Variants in FRK observed in about 807,000 individuals in gnomAD.
FRK encodes the protein tyrosine-protein kinase FRK.
FRK carries 51 observed loss-of-function variants against 56.4 expected under a neutral mutation model. The ratio of observed to expected loss-of-function variants is 0.90; its 90% CI spans 0.72 to 1.14. The LOEUF (loss-of-function observed/expected upper bound fraction) is 1.14. FRK is among the 50% of genes most tolerant of loss of function. The probability of loss-of-function intolerance (pLI) is 0.00; values close to 1 mark genes in which losing one functional copy is unlikely to be tolerated. For synonymous variants in FRK, 245 were observed against 217.9 expected, an observed-to-expected ratio of 1.12 and a Z score of -1.10; for missense variants, 570 against 601.4, an observed-to-expected ratio of 0.95 and a Z score of 0.55.
intron 1 of FRK, among the ~76,000 whole-genome samples, chr6:116,023,457 C>T (rs1000027326): frequency 6.6e-6 from 1 of 152,114 alleles, no homozygotes; most frequent in African/African-American, 2.4e-5. Flanking sequence ...AATCAAAAAT[C>T]AGCAAACTAA....
Position 115,988,636 on chromosome 6 carries a change from C to T in FRK, c.466+15241G>A, listed in dbSNP as rs1361943124. Among the ~76,000 whole-genome samples, 4 of 152,014 alleles carry T rather than the reference C, an allele frequency of 2.6e-5. No individual in the cohort carries two copies. In the East Asian group the frequency reaches 7.7e-4, roughly 29 times the overall value. On this transcript the variant is annotated intron_variant, in intron 2 of 7. Transcript: ENST00000606080. The stretch of plus-strand genomic sequence containing the variant: ...GAGCACATGTTTGAGTGAAAGCCCT[C>T]CAGTGGCCCACAGATGTAAATTAAG...
At chr6:116,075,352 G>A in the FRK span, among the ~76,000 whole-genome samples, 1 of 151,332 alleles carries the variant, frequency 6.6e-6, no homozygotes, top group African/African-American at 2.4e-5. Context: ...GATTATATGA[G>A]TTAATAGGTA....
the FRK span, among the ~76,000 whole-genome samples, chr6:116,069,667 A>C: frequency 6.6e-6 from 1 of 152,152 alleles, no homozygotes; most frequent in Admixed American, 6.6e-5. Context: ...TCGTAGATCA[A>C]ACAAAAAAGG....
intron 5 of FRK, among the ~76,000 whole-genome samples, chr6:115,946,982 G>T (rs1772481015): frequency 6.6e-6 from 1 of 152,032 alleles, no homozygotes; most frequent in Non-Finnish European, 1.5e-5. Flanking sequence ...GAGGGCATGG[G>T]GACAGAAGGA....
intron 1 of FRK, among the ~76,000 whole-genome samples, chr6:116,035,985 G>A (rs1024448930): frequency 1.3e-5 from 2 of 151,682 alleles, no homozygotes; most frequent in South Asian, 2.1e-4. Flanking sequence ...CTCTTCATCT[G>A]GCTCTCTTTC....
At chr6:116,058,855 G>A (rs1777500314) in intron 1 of FRK, among the ~76,000 whole-genome samples, 1 of 149,004 alleles carries the variant, frequency 6.7e-6, no homozygotes, top group Non-Finnish European at 1.5e-5. Flanking sequence ...AGCTTGCAGT[G>A]AGCCGAGATC....
intron 5 of FRK, among the ~76,000 whole-genome samples, chr6:115,952,486 A>G (rs1582639212): frequency 6.6e-6 from 1 of 152,156 alleles, no homozygotes; most frequent in Non-Finnish European, 1.5e-5. Context: ...ACTGTAAACT[A>G]GTTCAACCAT....
At chr6:116,085,912 G>C in the FRK span, among the ~76,000 whole-genome samples, 2 of 152,168 alleles carry the variant, frequency 1.3e-5, no homozygotes, top group East Asian at 3.8e-4. Flanking sequence ...GAAGAGAATA[G>C]TAGTAACAAT....
At chr6:115,985,212 C>T (rs1252945834) in intron 2 of FRK, among the ~76,000 whole-genome samples, 2 of 152,102 alleles carry the variant, frequency 1.3e-5, no homozygotes, top group Non-Finnish European at 2.9e-5. Context: ...TCAGGGTGAG[C>T]GTTCCATGCA....
the FRK span, among the ~76,000 whole-genome samples, chr6:116,089,350 GAA>G: frequency 3.9e-5 from 6 of 152,218 alleles, no homozygotes; most frequent in African/African-American, 1.4e-4. Flanking sequence ...TTCTAGAGCA[GAA>G]AAGAGAGACA....
intron 4 of FRK, among the ~76,000 whole-genome samples, chr6:115,960,515 C>G (rs1226019711): frequency 2.1e-5 from 3 of 146,148 alleles, no homozygotes; most frequent in Non-Finnish European, 3.0e-5. Flanking sequence ...CAAAGCAGCC[C>G]GGAAGCTCGA....
the FRK span, among the ~76,000 whole-genome samples, chr6:116,098,731 T>C: frequency 6.6e-6 from 1 of 152,226 alleles, no homozygotes; most frequent in Non-Finnish European, 1.5e-5. Flanking sequence ...GTAAGTGTGA[T>C]AAAAGTTTAA....
intron 2 of FRK, among the ~76,000 whole-genome samples, chr6:115,972,443 C>T (rs1773841013): frequency 1.3e-5 from 2 of 152,186 alleles, no homozygotes; most frequent in African/African-American, 2.4e-5. Flanking sequence ...GAGTGGCCTT[C>T]CTGAAGCACC....
chr6:116,026,777 A>C (rs974477086), intron 1 of FRK, among the ~76,000 whole-genome samples: 1 of 152,100 alleles, frequency 6.6e-6, no homozygotes, highest in Non-Finnish European at 1.5e-5. Context: ...TTCTACAAAG[A>C]ATTTACCAGA....
At chr6:116,065,272 G>A (rs1777740059), upstream of FRK, among the ~76,000 whole-genome samples, 1 of 152,140 alleles carries the variant, frequency 6.6e-6, no homozygotes, top group Non-Finnish European at 1.5e-5. Context: ...CTCAGCACTA[G>A]GGCTTAGAGA....
chr6:116,077,964 A>G, the FRK span, among the ~76,000 whole-genome samples: 5 of 152,238 alleles, frequency 3.3e-5, no homozygotes, highest in African/African-American at 1.2e-4. Flanking sequence ...GTTCAAGACC[A>G]GCCTGGCCAA....
At chr6:116,098,560 C>T in the FRK span, among the ~76,000 whole-genome samples, 1 of 152,202 alleles carries the variant, frequency 6.6e-6, no homozygotes, top group Admixed American at 6.5e-5. Flanking sequence ...TCCTTAAAGG[C>T]CCTATGTCAA....
chr6:116,030,615 G>C (rs539698384), intron 1 of FRK, among the ~76,000 whole-genome samples: 1 of 151,878 alleles, frequency 6.6e-6, no homozygotes, highest in Non-Finnish European at 1.5e-5. Context: ...CCATAAAAAA[G>C]AACATGTGGA....
At position 115,935,379 on chromosome 6, in the gene FRK, C is replaced by T. The variant is rs2095780; in HGVS notation, c.*7035G>A. The T allele has an allele frequency of 0.041, 6,216 of 152,836 alleles. 339 individuals are homozygous for T. Among genetic ancestry groups the T allele is most frequent in the Admixed American group, 0.15 (2,291 of 15,312 alleles). 9.5% of individuals were successfully genotyped at this position (152,836 alleles called of 1,614,324 possible). A position where few individuals can be genotyped will look rare whatever the true frequency, so the allele number is the denominator to read the frequency against. Reference sequence around the variant, plus strand: ...ACCAGGAGATTCCCTCCGGTGCCTACGCCACTGGGGCCCTGGGTGTCAAGC... The same window carrying T: ...ACCAGGAGATTCCCTCCGGTGCCTATGCCACTGGGGCCCTGGGTGTCAAGC... On this transcript the variant is annotated 3_prime_UTR_variant, in exon 8 of 8. Coordinates refer to ENST00000606080, the MANE Select transcript of FRK (RefSeq NM_002031.3).
Sources: gnomAD v4.1 joint callset for allele counts (sites outside exome capture counted in the v4.1 genomes callset) on GRCh38, gnomAD v4.1.1 for gene constraint, MANE v1.5 for transcripts, NCBI Gene and HGNC (gene_info 2026-07-23, HGNC 2026-07-21) for gene names.